Variants in CNTN6 observed in about 807,000 individuals in gnomAD.
CNTN6 encodes contactin 6.
In CNTN6, 137 loss-of-function variants were observed where a neutral mutation model predicts 122.8. The observed-to-expected ratio is 1.12, with a 90% CI of 0.97 to 1.29. The LOEUF (loss-of-function observed/expected upper bound fraction) is 1.29, where lower values mean the gene tolerates loss of function less well. Among genes scored for constraint, CNTN6 ranks in the 50% most tolerant of loss-of-function variants. The pLI is 0.00. For missense variants in CNTN6, 1,634 were observed against 1,223.4 expected (o/e 1.34, Z -5.01); for synonymous variants, 570 against 426.0 (o/e 1.34, Z -4.16).
intron 1 of CNTN6, among the ~76,000 whole-genome samples, chr3:1,127,146 A>G (rs1313960726): frequency 6.6e-6 from 1 of 151,808 alleles, no homozygotes; most frequent in Non-Finnish European, 1.5e-5. Context: ...TTTACGAGCA[A>G]AATAGAAAAG....
At chr3:1,104,281 T>A (rs1036987951) in intron 1 of CNTN6, among the ~76,000 whole-genome samples, 1 of 152,064 alleles carries the variant, frequency 6.6e-6, no homozygotes, top group African/African-American at 2.4e-5. Flanking sequence ...ACTTGCATAG[T>A]GAGATGCACC....
chr3:1,373,845 TAATA>T, intron 15 of CNTN6, 75 bp from the exon 16 acceptor site: 5 of 1,453,710 alleles, frequency 3.4e-6, no homozygotes, highest in Non-Finnish European at 4.6e-6. Flanking sequence ...CATTTTAAAT[TAATA>T]ATTATATAAT....
intron 1 of CNTN6, among the ~76,000 whole-genome samples, chr3:1,096,043 A>G (rs980420042): frequency 6.6e-6 from 1 of 152,188 alleles, no homozygotes; most frequent in African/African-American, 2.4e-5. Flanking sequence ...CATCTTGAAC[A>G]TGTATTTCTT....
chr3:1,197,712 C>A (rs1001323744), intron 2 of CNTN6, among the ~76,000 whole-genome samples: 3 of 152,062 alleles, frequency 2.0e-5, no homozygotes, highest in Non-Finnish European at 4.4e-5. Context: ...GGGCAAGTAA[C>A]CGCTCTCTGA....
At chr3:1,319,735 T>C (rs1700582233) in intron 7 of CNTN6, among the ~76,000 whole-genome samples, 2 of 151,424 alleles carry the variant, frequency 1.3e-5, no homozygotes, top group South Asian at 2.1e-4. Flanking sequence ...GAGCTCTATT[T>C]TTCCTTTGTA....
intron 4 of CNTN6, among the ~76,000 whole-genome samples, chr3:1,242,284 C>T (rs2094496102): frequency 6.6e-6 from 1 of 152,046 alleles, no homozygotes; most frequent in African/African-American, 2.4e-5. Context: ...GTGAAAAAAG[C>T]ATCTTTAAGA....
rs115689310 is a variant in CNTN6, at chr3:1,376,575, T to A, written c.2096-430T>A. On this transcript the variant is annotated intron_variant, in intron 16 of 22. Coordinates refer to ENST00000446702, the MANE Select transcript of CNTN6 (RefSeq NM_001289080.2). ...GTATTTAATTTTAACTGGTAAAATATCCTGATGACTAATAAAAGGAAAAAT... is the reference window on the plus strand; with the variant it reads ...GTATTTAATTTTAACTGGTAAAATAACCTGATGACTAATAAAAGGAAAAAT... 3.6e-3 allele frequency among the ~76,000 whole-genome samples: 549 copies of A among 152,216 alleles called. 3 individuals are homozygous for A. The highest frequency in any genetic ancestry group is 0.012 in the African/African-American group (499 of 41,560).
intron 11 of CNTN6, among the ~76,000 whole-genome samples, chr3:1,334,708 T>G (rs575172126): frequency 1.3e-5 from 2 of 152,174 alleles, no homozygotes; most frequent in East Asian, 3.9e-4. Context: ...GGCTGTAAGC[T>G]CCATGAAGGC....
chr3:1,116,957 AG>A lies in CNTN6; in HGVS notation c.-83+23838del, dbSNP rs368012417. Among the ~76,000 whole-genome samples the A allele has an allele frequency of 1.6e-3, 249 of 152,122 alleles. 3 individuals carry two copies. The highest frequency in any genetic ancestry group is 5.8e-3 in the African/African-American group (239 of 41,528). On this transcript the variant is annotated intron_variant, in intron 1 of 22. Coordinates refer to ENST00000446702, the MANE Select transcript of CNTN6 (RefSeq NM_001289080.2). Reference sequence around the variant, plus strand: ...TGACCTCAAGTGATCCACCTCCCTCAGTCTCGCAAATTTCCCTCTGTGGCTT... The same window carrying A: ...TGACCTCAAGTGATCCACCTCCCTCATCTCGCAAATTTCCCTCTGTGGCTT...
intron 2 of CNTN6, among the ~76,000 whole-genome samples, chr3:1,163,238 A>T (rs2093174608): frequency 6.6e-6 from 1 of 152,232 alleles, no homozygotes; most frequent in Non-Finnish European, 1.5e-5. Flanking sequence ...TTGGGTAATT[A>T]TGAGTGAATT....
At chr3:1,397,849 G>A (rs1323969172) in intron 20 of CNTN6, among the ~76,000 whole-genome samples, 1 of 151,930 alleles carries the variant, frequency 6.6e-6, no homozygotes, top group Non-Finnish European at 1.5e-5. Flanking sequence ...TTTCTCTTCT[G>A]CCCAAATGTC....
At chr3:1,324,152 C>T (rs1195194233) in intron 8 of CNTN6, among the ~76,000 whole-genome samples, 3 of 149,496 alleles carry the variant, frequency 2.0e-5, no homozygotes, top group Admixed American at 1.3e-4. Context: ...GAAGCACATT[C>T]TGTAACTGGA....
intron 2 of CNTN6, among the ~76,000 whole-genome samples, chr3:1,158,931 T>C (rs184462378): frequency 0.032 from 3,396 of 105,946 alleles, 309 homozygotes; most frequent in African/African-American, 0.079. Context: ...TATATATATA[T>C]ACACACACAC....
intron 20 of CNTN6, among the ~76,000 whole-genome samples, chr3:1,390,347 G>A (rs535167439): frequency 6.6e-6 from 1 of 151,956 alleles, no homozygotes; most frequent in South Asian, 2.1e-4. Context: ...AAATAAAGAT[G>A]TTCTTTGAAA....
At chr3:1,356,765 T>C (rs1298005205) in intron 12 of CNTN6, among the ~76,000 whole-genome samples, 1 of 151,862 alleles carries the variant, frequency 6.6e-6, no homozygotes, top group Non-Finnish European at 1.5e-5. Context: ...TTCAACAGAA[T>C]GAACATTTGA....
At chr3:1,227,684 G>T in intron 3 of CNTN6, 134 bp from the exon 4 acceptor site, 1 of 892,668 alleles carries the variant, frequency 1.1e-6, no homozygotes, top group Non-Finnish European at 1.7e-6. Context: ...GGTAAAACTG[G>T]TAGGATTACC....
At chr3:1,335,673 A>G (rs1055542969) in intron 11 of CNTN6, among the ~76,000 whole-genome samples, 4 of 152,162 alleles carry the variant, frequency 2.6e-5, no homozygotes, top group African/African-American at 9.6e-5. Context: ...CAAGCTATCA[A>G]CAATAAAAAC....
chr3:1,392,920 A>G (rs1189136613), intron 20 of CNTN6, among the ~76,000 whole-genome samples: 2 of 121,324 alleles, frequency 1.6e-5, no homozygotes, highest in Non-Finnish European at 3.6e-5. Flanking sequence ...GGTGCTGGAG[A>G]GGATGTGGAG....
intron 5 of CNTN6, among the ~76,000 whole-genome samples, chr3:1,292,735 ATTCT>A (rs1695533786): frequency 6.6e-6 from 1 of 152,126 alleles, no homozygotes; most frequent in Admixed American, 6.5e-5. Flanking sequence ...TATCCTGTTG[ATTCT>A]TTCTTCCATT....
Sources: gnomAD v4.1 joint callset for allele counts (sites outside exome capture counted in the v4.1 genomes callset) on GRCh38, gnomAD v4.1.1 for gene constraint, MANE v1.5 for transcripts, NCBI Gene and HGNC (gene_info 2026-07-23, HGNC 2026-07-21) for gene names.